The following GABRB3 variants were observed in gnomAD, a reference collection of about 807,000 sequenced individuals.
GABRB3 encodes gamma-aminobutyric acid receptor subunit beta-3.
In GABRB3, 14 loss-of-function variants were observed where a neutral mutation model predicts 52.1. The ratio of observed to expected loss-of-function variants is 0.27; its 90% CI spans 0.18 to 0.42. The LOEUF (loss-of-function observed/expected upper bound fraction) is 0.42, where lower values mean the gene tolerates loss of function less well. Ranked by LOEUF, GABRB3 falls within the 10% of genes least tolerant of loss-of-function variation. The pLI is 1.00. For missense variants in GABRB3, 307 were observed against 609.1 expected (o/e 0.50, Z 5.22); for synonymous variants, 260 against 232.3 (o/e 1.12, Z -1.08).
chr15:26,716,536 G>C lies in GABRB3; in HGVS notation c.240+55866C>G, dbSNP rs554436453. On this transcript the variant is annotated intron_variant, in intron 3 of 8. Coordinates refer to ENST00000311550, the MANE Select transcript of GABRB3 (RefSeq NM_000814.6). ...TGAGCAATGTGTGCAAGTTCCCCAA[G>C]CAGGTCAAACCCATAAACCGTCTTC... 242 of 943,106 alleles carry C rather than the reference G, an allele frequency of 2.6e-4. 2 individuals are homozygous for C. In the South Asian group the frequency reaches 5.4e-3, roughly 21 times the overall value. 58.4% of individuals were successfully genotyped at this position (943,106 alleles called of 1,614,324 possible). A position where few individuals can be genotyped will look rare whatever the true frequency, so the allele number is the denominator to read the frequency against.
intron 3 of GABRB3, among the ~76,000 whole-genome samples, chr15:26,706,887 CCTT>C (rs1889120095): frequency 6.6e-6 from 1 of 152,154 alleles, no homozygotes; most frequent in Admixed American, 6.5e-5. Flanking sequence ...TACCCTCAGT[CCTT>C]CTGTGAGGAG....
At chr15:26,575,923 T>A (rs1890575373) in intron 6 of GABRB3, among the ~76,000 whole-genome samples, 1 of 152,204 alleles carries the variant, frequency 6.6e-6, no homozygotes, top group Admixed American at 6.5e-5. Flanking sequence ...TATTAAATCA[T>A]CTGTTCTCCA....
At chr15:26,607,433 G>A (rs1891878274) in intron 4 of GABRB3, among the ~76,000 whole-genome samples, 1 of 152,110 alleles carries the variant, frequency 6.6e-6, no homozygotes, top group South Asian at 2.1e-4. Context: ...TTAGCCAGGT[G>A]TGGTGGCACA....
At chr15:26,628,508 G>A (rs899361106) in intron 3 of GABRB3, among the ~76,000 whole-genome samples, 2 of 152,134 alleles carry the variant, frequency 1.3e-5, no homozygotes, top group African/African-American at 4.8e-5. Flanking sequence ...TGGGAAGGAT[G>A]ACTACAGGTG....
At chr15:26,590,720 T>C (rs1454144688) in intron 4 of GABRB3, among the ~76,000 whole-genome samples, 1 of 152,216 alleles carries the variant, frequency 6.6e-6, no homozygotes, top group Non-Finnish European at 1.5e-5. Flanking sequence ...TGGGAACTCC[T>C]TGAAGATGTT....
At chr15:26,736,391 A>T (rs1394885725) in intron 3 of GABRB3, among the ~76,000 whole-genome samples, 1 of 152,262 alleles carries the variant, frequency 6.6e-6, no homozygotes, top group African/African-American at 2.4e-5. Context: ...ATAAGGCATA[A>T]CTTGTGCTTC....
chr15:26,580,884 C>T (rs1427482047), intron 5 of GABRB3, among the ~76,000 whole-genome samples: 1 of 152,222 alleles, frequency 6.6e-6, no homozygotes, highest in Non-Finnish European at 1.5e-5. Context: ...AGTTCAAATA[C>T]TGAAGGTGAA....
chr15:26,680,518 G>A lies in GABRB3; in HGVS notation c.241-58984C>T, dbSNP rs544473746. 3.3e-5 allele frequency among the ~76,000 whole-genome samples: 5 copies of A among 152,290 alleles called. No individual in the cohort carries two copies. The South Asian group carries it at 1.0e-3, about 32-fold the overall frequency. ...GGTGTAACAGTCAAGTTCTATTGTA[G>A]CCAAAAATGACACATGGGAACACTG... On this transcript the variant is annotated intron_variant, in intron 3 of 8. Coordinates refer to ENST00000311550, the MANE Select transcript of GABRB3 (RefSeq NM_000814.6).
chr15:26,583,246 G>T, intron 5 of GABRB3, 86 bp downstream of exon 5: 1 of 1,076,898 alleles, frequency 9.3e-7, no homozygotes, highest in Non-Finnish European at 1.4e-6. Context: ...AAAAATTATG[G>T]ATGCCTTGAA....
intron 3 of GABRB3, among the ~76,000 whole-genome samples, chr15:26,641,400 TG>T: frequency 6.6e-6 from 1 of 152,318 alleles, no homozygotes; most frequent in South Asian, 2.1e-4. Flanking sequence ...CCTCTGGCAC[TG>T]GCCAGAGGAA....
intron 3 of GABRB3, among the ~76,000 whole-genome samples, chr15:26,636,598 CA>C (rs553075951): frequency 4.1e-3 from 618 of 152,322 alleles, no homozygotes; most frequent in Non-Finnish European, 7.4e-3. Context: ...TGATCCTGAT[CA>C]TTCCATCTAT....
At chr15:26,710,909 TTTC>T (rs1173253472) in intron 3 of GABRB3, among the ~76,000 whole-genome samples, 9 of 149,298 alleles carry the variant, frequency 6.0e-5, no homozygotes, top group Non-Finnish European at 1.3e-4. Context: ...TTTTTTTTTT[TTTC>T]CATCTCTCAG....
rs145010564 is a variant in GABRB3 at position 26,592,070 on chromosome 15, T to C, written c.462-8656A>G. Among the ~76,000 whole-genome samples, 259 of 152,240 alleles carry C rather than the reference T, an allele frequency of 1.7e-3. 1 individual carries two copies. The highest frequency in any genetic ancestry group is 6.1e-3 in the African/African-American group (252 of 41,540). ...CTGGATGAATGTAGTTGGGGGGATA[T>C]GGTCAAATGCATGGAACCCAGAGGC... On this transcript the variant is annotated intron_variant, in intron 4 of 8. Transcript: ENST00000311550.
chr15:26,591,646 C>T (rs183831027), intron 4 of GABRB3, among the ~76,000 whole-genome samples: 1 of 152,178 alleles, frequency 6.6e-6, no homozygotes, highest in Non-Finnish European at 1.5e-5. Context: ...AAGGACTACA[C>T]CGCAGGTTCA....
chr15:26,758,527 TAAG>T (rs1009627238), intron 3 of GABRB3, among the ~76,000 whole-genome samples: 1 of 152,170 alleles, frequency 6.6e-6, no homozygotes, highest in African/African-American at 2.4e-5. Context: ...GCTTATCTCC[TAAG>T]GAGAGGTAAA....
At position 26,621,644 on chromosome 15, in the gene GABRB3, G is replaced by C; in HGVS notation, c.241-110C>G. On this transcript the variant is annotated intron_variant, in intron 3 of 8. Coordinates refer to ENST00000311550, the MANE Select transcript of GABRB3 (RefSeq NM_000814.6). The surrounding 1 kb of genome is among the most constrained non-coding windows in gnomAD (Gnocchi z 4.1). ...ATCTAGGCTCTACAGTGAATAACCA[G>C]GAGAAACGGATGCCATTTTTATGCA... The C allele has an allele frequency of 1.3e-6, 1 of 788,020 alleles. No homozygotes were observed. The highest frequency in any genetic ancestry group is 2.1e-6 in the Non-Finnish European group (1 of 482,676). The allele number at this position is 788,020 out of a possible 1,614,324, so 48.8% of individuals were successfully genotyped here.
intron 3 of GABRB3, among the ~76,000 whole-genome samples, chr15:26,704,843 T>G (rs1889047322): frequency 6.6e-6 from 1 of 152,112 alleles, no homozygotes; most frequent in Admixed American, 6.6e-5. Flanking sequence ...CCAACACCAC[T>G]TAGGTAATCT....
chr15:26,636,073 G>A (rs181159511), intron 3 of GABRB3, among the ~76,000 whole-genome samples: 136 of 152,290 alleles, frequency 8.9e-4, no homozygotes, highest in Middle Eastern at 6.8e-3. Flanking sequence ...CTGGAATACT[G>A]TAATCAAAGC....
chr15:26,548,203 G>T, intron 8 of GABRB3, 69 bp from the exon 9 acceptor site: 1 of 1,197,704 alleles, frequency 8.3e-7, no homozygotes, highest in South Asian at 1.2e-5. Context: ...ATCCCGGACA[G>T]AATGATGTCA....
Sources: gnomAD v4.1 joint callset for allele counts (sites outside exome capture counted in the v4.1 genomes callset) on GRCh38, gnomAD v4.1.1 for gene constraint, Gnocchi (gnomAD v3.1) non-coding constraint, MANE v1.5 for transcripts, NCBI Gene and HGNC (gene_info 2026-07-23, HGNC 2026-07-21) for gene names.